The following DEPDC1 variants were observed in gnomAD, a reference collection of about 807,000 sequenced individuals.
DEPDC1 encodes the protein DEP domain containing 1, also known as DEP domain-containing protein 1A.
A neutral mutation model predicts 86.8 loss-of-function variants in DEPDC1; 66 were observed. The ratio of observed to expected loss-of-function variants is 0.76; its 90% CI spans 0.62 to 0.93. The LOEUF is 0.93. DEPDC1 is among the 40% of genes least tolerant of loss of function. DEPDC1 has a pLI of 0.00. For synonymous variants in DEPDC1, 255 were observed against 314.9 expected (o/e 0.81, Z 2.02); for missense variants, 792 against 935.7 (o/e 0.85, Z 2.00).
rs771832382 is a variant in DEPDC1, at chr1:68,482,710, C to A, written c.1098G>T (p.Gln366His). The change falls in exon 8 of 12, where the codon CAG becomes CAT. Residue 366 changes from glutamine to histidine, a missense_variant. Gln to His is a conservative substitution (Grantham distance 24, BLOSUM62 0). Transcript: ENST00000456315. ...KEESDSTERL[Q>H]ISNPGFQERC... ...TTTCTTGAAATCCTGGATTGCTTATCTGTAGTCTCTCAGTAGAATCTGATT... is the reference window on the plus strand; with the variant it reads ...TTTCTTGAAATCCTGGATTGCTTATATGTAGTCTCTCAGTAGAATCTGATT... 9.9e-6 allele frequency: 16 copies of A among 1,612,552 alleles called. No individual in the cohort carries two copies. Among genetic ancestry groups the A allele is most frequent in the Non-Finnish European group, 1.2e-5 (14 of 1,179,224 alleles).
Position 68,493,512 on chromosome 1 carries a change from C to T in DEPDC1, c.314+918G>A, listed in dbSNP as rs762696728. 7.9e-5 allele frequency among the ~76,000 whole-genome samples: 12 copies of T among 152,102 alleles called. 1 individual carries two copies. The highest frequency in any genetic ancestry group is 8.8e-5 in the Non-Finnish European group (6 of 68,004). ...CCTGACAAATGTGTACAGTGTCTCACGGTGGAAAAACATTTCAGGCAGACA... is the reference window on the plus strand; with the variant it reads ...CCTGACAAATGTGTACAGTGTCTCATGGTGGAAAAACATTTCAGGCAGACA... On this transcript the variant is annotated intron_variant, in intron 2 of 11. Coordinates refer to ENST00000456315, the MANE Select transcript of DEPDC1 (RefSeq NM_001114120.3).
At chr1:68,490,015 CTTTTA>C (rs1448572612) in intron 2 of DEPDC1, among the ~76,000 whole-genome samples, 4 of 152,004 alleles carry the variant, frequency 2.6e-5, no homozygotes, top group South Asian at 4.2e-4. Context: ...TTTTGGCCTC[CTTTTA>C]TTTTAATATA....
At chr1:68,483,404 A>T in intron 7 of DEPDC1, 1 of 480,754 alleles carries the variant, frequency 2.1e-6, no homozygotes, top group Non-Finnish European at 4.1e-6. Flanking sequence ...TTGAATTTTC[A>T]TCACCAACTA....
intron 2 of DEPDC1, among the ~76,000 whole-genome samples, chr1:68,492,640 G>A (rs916077497): frequency 6.6e-6 from 1 of 152,150 alleles, no homozygotes; most frequent in Non-Finnish European, 1.5e-5. Flanking sequence ...CCAGGAGGCA[G>A]AAAAGACTAG....
At position 68,477,980 on chromosome 1, in the gene DEPDC1, G is replaced by T. The variant is rs776498621; in HGVS notation, c.2113-8C>A. 32 of 1,514,714 alleles carry T rather than the reference G, an allele frequency of 2.1e-5. No individual in the cohort carries two copies. The highest frequency in any genetic ancestry group is 6.4e-5 in the Admixed American group (3 of 47,092). 93.8% of individuals were successfully genotyped at this position (1,514,714 alleles called of 1,614,324 possible). ...ATCTCCAGGATTTTCAATCTGTAGT[G>T]ATCAAAATGATATAACTCTGTTAAT... is the stretch of plus-strand genomic sequence containing the variant. On this transcript the variant is annotated splice_region_variant and splice_polypyrimidine_tract_variant and intron_variant, in intron 10 of 11. Coordinates refer to ENST00000456315, the MANE Select transcript of DEPDC1 (RefSeq NM_001114120.3).
rs1046287939 is a variant in DEPDC1 at position 68,476,593 on chromosome 1, ATTTTCT to A, written c.*333_*338del. On this transcript the variant is annotated 3_prime_UTR_variant, in exon 12 of 12. Coordinates refer to ENST00000456315, the MANE Select transcript of DEPDC1 (RefSeq NM_001114120.3). Reference sequence around the variant, plus strand: ...TCAGAACTTGCACATTTGCAGATAAATTTTCTTTTAAGAACAGAATTATAGTTTAAT... The same window carrying A: ...TCAGAACTTGCACATTTGCAGATAAATTTAAGAACAGAATTATAGTTTAAT... 1 of 166,004 alleles carries A rather than the reference ATTTTCT, an allele frequency of 6.0e-6. No homozygotes were observed. The highest frequency in any genetic ancestry group is 1.3e-5 in the Non-Finnish European group (1 of 77,572). The allele number at this position is 166,004 out of a possible 1,614,324, so 10.3% of individuals were successfully genotyped here.
Position 68,491,443 on chromosome 1 carries a change from G to A in DEPDC1, c.315-1835C>T, listed in dbSNP as rs145708063. 1.1e-3 allele frequency among the ~76,000 whole-genome samples: 166 copies of A among 152,244 alleles called. 1 individual carries two copies. Among genetic ancestry groups the A allele is most frequent in the Non-Finnish European group, 1.2e-3 (82 of 68,012 alleles). ...GTTCAATATTACTGATTGGAGAAAT[G>A]TAAATCAAAACTATAATGAGATACC... On this transcript the variant is annotated intron_variant, in intron 2 of 11. Transcript: ENST00000456315.
intron 2 of DEPDC1, among the ~76,000 whole-genome samples, chr1:68,491,929 T>C (rs938461510): frequency 6.6e-6 from 1 of 151,332 alleles, no homozygotes; most frequent in African/African-American, 2.4e-5. Flanking sequence ...AATTTTTTTT[T>C]TTTTTTTTGT....
At chr1:68,495,654 G>GTACA (rs1421870104) in intron 1 of DEPDC1, among the ~76,000 whole-genome samples, 2 of 152,204 alleles carry the variant, frequency 1.3e-5, no homozygotes, top group East Asian at 1.9e-4. Flanking sequence ...CTGAGATGCA[G>GTACA]TACAGGGTAG....
chr1:68,487,607 T>A (rs997836400), intron 5 of DEPDC1, among the ~76,000 whole-genome samples: 38 of 152,054 alleles, frequency 2.5e-4, no homozygotes, highest in African/African-American at 8.7e-4. Flanking sequence ...CACATACATA[T>A]GCCACATAGC....
intron 9 of DEPDC1, 61 bp from the exon 10 acceptor site, chr1:68,479,381 C>A: frequency 7.8e-7 from 1 of 1,275,140 alleles, no homozygotes; most frequent in Non-Finnish European, 1.1e-6. Flanking sequence ...ACTAGAATAT[C>A]GGTAATTTCC....
Position 68,494,671 on chromosome 1 carries a change from G to A in DEPDC1, c.73C>T (p.Arg25Ter), listed in dbSNP as rs777967692. ...TGTTTTCTTAGAGGCATTCCTGCTC[G>A]AAAAGATGTGGTAACTTCATTCCAC... ...KLWNEVTTSF[R>*]AGMPLRKHRQ... The change falls in exon 2 of 12, where the codon CGA becomes TGA. Residue 25 changes from arginine (R) to a stop codon, truncating the protein, a stop_gained. Coordinates refer to ENST00000456315, the MANE Select transcript of DEPDC1 (RefSeq NM_001114120.3). LOFTEE classifies it high-confidence loss of function. 15 of 1,613,038 alleles carry A rather than the reference G, an allele frequency of 9.3e-6. No homozygotes were observed. Among genetic ancestry groups the A allele is most frequent in the Admixed American group, 1.7e-5 (1 of 59,962 alleles).
In DEPDC1 at chr1:68,482,550, A is replaced by G. The variant is rs1458338849; in HGVS notation, c.1258T>C (p.Cys420Arg). ...TCTACAATTCCTTCCAAAGAACAGCACCTTGGTTTGCTGTTAGAGGATAGA... is the reference window on the plus strand; with the variant it reads ...TCTACAATTCCTTCCAAAGAACAGCGCCTTGGTTTGCTGTTAGAGGATAGA... ...HDLSSNSKPR[C>R]CSLEGIVDVP... The change falls in exon 8 of 12, where the codon TGC becomes CGC. Residue 420 changes from cysteine to arginine, a missense_variant. Physicochemically the swap from Cys to Arg is radical, Grantham distance 180 (BLOSUM62 -3). Coordinates refer to ENST00000456315, the MANE Select transcript of DEPDC1 (RefSeq NM_001114120.3). 1 of 1,613,052 alleles carries G rather than the reference A, an allele frequency of 6.2e-7. No individual in the cohort carries two copies. The highest frequency in any genetic ancestry group is 1.3e-5 in the African/African-American group (1 of 74,882).
chr1:68,492,780 G>T (rs1011632348), intron 2 of DEPDC1, among the ~76,000 whole-genome samples: 6 of 152,164 alleles, frequency 3.9e-5, no homozygotes, highest in African/African-American at 1.4e-4. Context: ...GATGTGTACA[G>T]ATCAGAGAAC....
chr1:68,479,178 A>G lies in DEPDC1; in HGVS notation c.2078T>C (p.Val693Ala), dbSNP rs757566698. The change falls in exon 10 of 12, where the codon GTG becomes GCG. Residue 693 changes from valine to alanine, a missense_variant. Transcript: ENST00000456315. ...LQVPSYLQTA[V>A]EKHLDYLKKG... is the part of the protein sequence containing the mutation. ...TTTTAAGTAGTCAAGATGTTTTTCC[A>G]CTGCAGTCTGTAAGTAAGAGGGTAC... 28 of 1,610,798 alleles carry G rather than the reference A, an allele frequency of 1.7e-5. No homozygotes were observed. Among genetic ancestry groups the G allele is most frequent in the African/African-American group, 4.0e-5 (3 of 74,710 alleles).
At chr1:68,491,005 C>A (rs150885943) in intron 2 of DEPDC1, among the ~76,000 whole-genome samples, 3 of 152,240 alleles carry the variant, frequency 2.0e-5, no homozygotes, top group African/African-American at 7.2e-5. Context: ...AAATGGGACA[C>A]CTTCTTACAC....
intron 10 of DEPDC1, among the ~76,000 whole-genome samples, chr1:68,478,427 A>G (rs915930889): frequency 3.5e-5 from 5 of 144,438 alleles, no homozygotes; most frequent in Non-Finnish European, 4.5e-5. Context: ...CTGAAATGAA[A>G]TATTTTTAGT....
chr1:68,494,364 G>T, intron 2 of DEPDC1, 66 bp downstream of exon 2: 3 of 1,395,844 alleles, frequency 2.1e-6, no homozygotes, highest in Non-Finnish European at 2.9e-6. Context: ...TATAGTAAAA[G>T]TATAATATAA....
In DEPDC1 at chr1:68,477,889, C is replaced by G. The variant is rs371928898; in HGVS notation, c.2196G>C (p.Glu732Asp). 6 of 1,587,858 alleles carry G rather than the reference C, an allele frequency of 3.8e-6. No homozygotes were observed. In the African/African-American group the frequency reaches 8.1e-5, roughly 21 times the overall value. ...CAGCTTGAGAGGTAGAAACTTTTTG[C>G]TCATCAAACTCCTGAGCACTAATCT... Reference protein sequence around the residue: ...CKQISAQEFDEQKVSTSQAAI... With the variant: ...CKQISAQEFDDQKVSTSQAAI... The change falls in exon 11 of 12, where the codon GAG becomes GAC. Residue 732 changes from glutamate to aspartate, a missense_variant. Coordinates refer to ENST00000456315, the MANE Select transcript of DEPDC1 (RefSeq NM_001114120.3).
Sources: gnomAD v4.1 joint callset for allele counts (sites outside exome capture counted in the v4.1 genomes callset) on GRCh38, gnomAD v4.1.1 for gene constraint, MANE v1.5 for transcripts, NCBI Gene and HGNC (gene_info 2026-07-23, HGNC 2026-07-21) for gene names.